Variants in RUNX3 observed in about 807,000 individuals in gnomAD.
RUNX3 encodes RUNX family transcription factor 3.
Under a neutral mutation model 27.7 loss-of-function variants are expected in RUNX3, and 10 were observed. That is an observed-to-expected ratio of 0.36 (90% CI 0.22 to 0.61). The LOEUF (loss-of-function observed/expected upper bound fraction) is 0.61. Among genes scored for constraint, RUNX3 ranks in the 20% least tolerant of loss-of-function variants. RUNX3 has a pLI of 0.72. For synonymous variants in RUNX3, 270 were observed against 269.2 expected (o/e 1.00, Z -0.03); for missense variants, 469 against 629.5 (o/e 0.75, Z 2.73).
chr1:24,932,446 T>G (rs1475039160), upstream of RUNX3, among the ~76,000 whole-genome samples: 10 of 151,568 alleles, frequency 6.6e-5, no homozygotes, highest in African/African-American at 2.4e-4. Context: ...GCCGCGGAGG[T>G]GCGGGCCCGG....
upstream of RUNX3, among the ~76,000 whole-genome samples, chr1:24,933,501 G>C (rs984429652): frequency 1.3e-5 from 2 of 152,074 alleles, no homozygotes; most frequent in African/African-American, 4.8e-5. Context: ...GAAATGTCCA[G>C]TTCTCATATT....
At chr1:24,954,892 C>T (rs1325204206) in intron 2 of RUNX3, among the ~76,000 whole-genome samples, 1 of 152,198 alleles carries the variant, frequency 6.6e-6, no homozygotes, top group Non-Finnish European at 1.5e-5. Context: ...CCCTGTGCAT[C>T]ATGGGATGCT....
Position 24,916,055 on chromosome 1 carries a change from C to T in RUNX3, c.544+3185G>A, listed in dbSNP as rs566147385. ...CGCTCTGCAGGGCACCAGAGGGGAA[C>T]GACCCGGCCACAGAACCCACAGCCG... On this transcript the variant is annotated intron_variant, in intron 3 of 4. Coordinates refer to ENST00000308873, the MANE Select transcript of RUNX3 (RefSeq NM_004350.3). This position sits in a 1 kb window ranked among gnomAD's most constrained non-coding sequence, Gnocchi z 4.8. Among the ~76,000 whole-genome samples, 172 of 152,322 alleles carry T rather than the reference C, an allele frequency of 1.1e-3. No homozygotes were observed. Among genetic ancestry groups the T allele is most frequent in the Non-Finnish European group, 2.2e-3 (147 of 68,036 alleles).
chr1:24,903,009 A>G (rs1242680213), intron 4 of RUNX3, among the ~76,000 whole-genome samples: 1 of 152,218 alleles, frequency 6.6e-6, no homozygotes, highest in African/African-American at 2.4e-5. Flanking sequence ...GGCTGAGGGC[A>G]GAGTCAGCTC....
At chr1:24,944,335 G>C (rs994173540) in intron 2 of RUNX3, among the ~76,000 whole-genome samples, 1 of 152,102 alleles carries the variant, frequency 6.6e-6, no homozygotes, top group African/African-American at 2.4e-5. Flanking sequence ...TGTCTGTGCT[G>C]CCCTTTACCT....
chr1:24,926,093 C>T (rs1268359662), intron 2 of RUNX3, among the ~76,000 whole-genome samples: 2 of 152,182 alleles, frequency 1.3e-5, no homozygotes, highest in African/African-American at 2.4e-5. Flanking sequence ...TCGACAGCAC[C>T]TTCTGCCCGC....
rs563348184 is a variant in RUNX3 at position 24,943,667 on chromosome 1, A to G, written c.59-13815T>C. On this transcript the variant is annotated intron_variant, in intron 2 of 6. Coordinates refer to the RUNX3 transcript ENST00000338888. The surrounding 1 kb of genome is among the most constrained non-coding windows in gnomAD (Gnocchi z 4.6). The stretch of plus-strand genomic sequence containing the variant: ...TCGGAAAAACAGGTCTGGAGAGGGG[A>G]TGTGACGTGCTGGGGCCCAGGGGAG... Among the ~76,000 whole-genome samples, 97 of 152,140 alleles carry G rather than the reference A, an allele frequency of 6.4e-4. No individual in the cohort carries two copies. The highest frequency in any genetic ancestry group is 2.3e-3 in the African/African-American group (94 of 41,496).
intron 3 of RUNX3, among the ~76,000 whole-genome samples, chr1:24,918,625 GACACA>G (rs1640935297): frequency 6.6e-6 from 1 of 151,936 alleles, no homozygotes; most frequent in African/African-American, 2.4e-5. Context: ...TCATTCTGTG[GACACA>G]GAGCCTCAGC....
chr1:24,942,436 A>G (rs944164141), intron 2 of RUNX3, among the ~76,000 whole-genome samples: 1 of 152,144 alleles, frequency 6.6e-6, no homozygotes, highest in African/African-American at 2.4e-5. Context: ...AAGAAAACAG[A>G]TGGGGGTAAA....
At chr1:24,920,942 C>T (rs1165917077) in intron 2 of RUNX3, among the ~76,000 whole-genome samples, 2 of 152,096 alleles carry the variant, frequency 1.3e-5, no homozygotes, top group Admixed American at 1.3e-4. Flanking sequence ...GATTGGTGGC[C>T]GGGAGCGGGG....
chr1:24,964,654 T>A, exon 2 of RUNX3: 1 of 1,540,998 alleles, frequency 6.5e-7, no homozygotes, highest in South Asian at 1.2e-5. Context: ...GTTTTATTTT[T>A]TTTTCCTCTA....
rs1640518846 is a variant in RUNX3 at position 24,900,585 on chromosome 1, CG to C, written c.*1536del. The C allele has an allele frequency of 6.6e-6, 1 of 152,422 alleles. No individual in the cohort carries two copies. 9.4% of individuals were successfully genotyped at this position (152,422 alleles called of 1,614,324 possible). On this transcript the variant is annotated 3_prime_UTR_variant, in exon 5 of 5. Coordinates refer to ENST00000308873, the MANE Select transcript of RUNX3 (RefSeq NM_004350.3). ...AAAATTCAGGGGCAAGACTTCACCT[CG>C]GAACGCAGTGCAGCTGAGCTGCGGC...
intron 2 of RUNX3, among the ~76,000 whole-genome samples, chr1:24,925,360 G>A (rs564296506): frequency 6.7e-6 from 1 of 149,724 alleles, no homozygotes; most frequent in African/African-American, 2.5e-5. Flanking sequence ...ATCAGTGGCT[G>A]TCACCGCTCA....
chr1:24,934,745 A>G (rs56854802), upstream of RUNX3, among the ~76,000 whole-genome samples: 1,368 of 152,306 alleles, frequency 9.0e-3, 31 homozygotes, highest in African/African-American at 0.031. Context: ...GCATGAACGC[A>G]TCACCTGGCC....
At chr1:24,957,006 G>A (rs1364650476) in intron 2 of RUNX3, among the ~76,000 whole-genome samples, 1 of 152,232 alleles carries the variant, frequency 6.6e-6, no homozygotes, top group African/African-American at 2.4e-5. Context: ...CACAGGGACT[G>A]CATGTGCTGG....
chr1:24,907,633 C>T (rs1443403615), intron 3 of RUNX3, among the ~76,000 whole-genome samples: 3 of 152,216 alleles, frequency 2.0e-5, no homozygotes, highest in Non-Finnish European at 4.4e-5. Context: ...TAAACCTCTA[C>T]AACACACGGT....
rs1439958484 is a variant in RUNX3 at position 24,902,484 on chromosome 1, C to T, written c.886G>A (p.Gly296Ser). ...GTSISSLSVAGMPATSRFHHT... is the reference protein window; with the variant it reads ...GTSISSLSVASMPATSRFHHT... Reference sequence around the variant, plus strand: ...TGGAAGCGGCTGGTGGCCGGCATGCCCGCCACGCTGAGGCTGCTGATGCTC... The same window carrying T: ...TGGAAGCGGCTGGTGGCCGGCATGCTCGCCACGCTGAGGCTGCTGATGCTC... Residue 296 changes from glycine (G) to serine (S), a missense_variant, in exon 5 of 5, where the codon GGC becomes AGC. Transcript: ENST00000308873. This position sits in a 1 kb window ranked among gnomAD's most constrained non-coding sequence, Gnocchi z 9.2. 6.2e-7 allele frequency: 1 copy of T among 1,600,498 alleles called. No individual in the cohort carries two copies. Among genetic ancestry groups the T allele is most frequent in the Non-Finnish European group, 8.5e-7 (1 of 1,170,364 alleles).
In RUNX3 at chr1:24,927,824, C is replaced by T. The variant is rs947480230; in HGVS notation, c.283-94G>A. On this transcript the variant is annotated intron_variant, in intron 1 of 4. Transcript: ENST00000308873. The surrounding 1 kb of genome is among the most constrained non-coding windows in gnomAD (Gnocchi z 5.0). ...GGGAGGGGCTGGGCTGGGCAGCTCC[C>T]CCAGGTCCCAGGCACACTGAGTATT... The T allele has an allele frequency of 9.2e-7, 1 of 1,083,596 alleles. No homozygotes were observed. Among genetic ancestry groups the T allele is most frequent in the Non-Finnish European group, 1.4e-6 (1 of 710,104 alleles). 67.1% of individuals were successfully genotyped at this position (1,083,596 alleles called of 1,614,324 possible). A position where few individuals can be genotyped will look rare whatever the true frequency, so the allele number is the denominator to read the frequency against.
intron 2 of RUNX3, among the ~76,000 whole-genome samples, chr1:24,960,766 C>T (rs1642089914): frequency 6.6e-6 from 1 of 152,114 alleles, no homozygotes; most frequent in Non-Finnish European, 1.5e-5. Context: ...GGCAAGGGGT[C>T]CTCAGGGCCA....
Sources: allele counts gnomAD v4.1 joint callset (sites outside exome capture counted in the v4.1 genomes callset), GRCh38; gene constraint gnomAD v4.1.1; non-coding constraint Gnocchi (gnomAD v3.1); transcripts MANE v1.5; gene names NCBI Gene and HGNC (gene_info 2026-07-23, HGNC 2026-07-21).